Variants in TERF1 observed in about 807,000 individuals in gnomAD.
TERF1 encodes the protein telomeric repeat-binding factor 1.
TERF1 carries 20 observed loss-of-function variants against 55.1 expected under a neutral mutation model. That is an observed-to-expected ratio of 0.36 (90% CI 0.26 to 0.53). TERF1 has a LOEUF of 0.53. TERF1 is among the 20% of genes least tolerant of loss of function. The probability of loss-of-function intolerance (pLI) is 0.91; values close to 1 mark genes in which losing one functional copy is unlikely to be tolerated. For missense variants in TERF1, 439 were observed against 535.7 expected (o/e 0.82, Z 1.78); for synonymous variants, 168 against 181.2 (o/e 0.93, Z 0.59).
intron 9 of TERF1, among the ~76,000 whole-genome samples, chr8:73,045,124 A>G (rs1388011085): frequency 1.3e-5 from 2 of 152,184 alleles, no homozygotes; most frequent in Non-Finnish European, 2.9e-5. Context: ...TAGTGGTGCT[A>G]TAATTTTACA....
At chr8:73,027,902 C>T (rs1809086478) in intron 6 of TERF1, among the ~76,000 whole-genome samples, 1 of 152,188 alleles carries the variant, frequency 6.6e-6, no homozygotes, top group African/African-American at 2.4e-5. Context: ...GACTGAGGTT[C>T]TGTCATCTTA....
chr8:73,031,556 A>G (rs1463544026), intron 7 of TERF1: 5 of 152,264 alleles, frequency 3.3e-5, no homozygotes, highest in Admixed American at 6.5e-5. Flanking sequence ...GTTTTCAAAA[A>G]AAATGATGCC....
rs1450100811 is a variant in TERF1, at chr8:73,020,575, C to T, written c.416-109C>T. The T allele has an allele frequency of 6.0e-6, 5 of 830,686 alleles. No individual in the cohort carries two copies. The East Asian group carries it at 1.5e-4, about 25-fold the overall frequency. The allele number at this position is 830,686 out of a possible 1,614,324, so 51.5% of individuals were successfully genotyped here. On this transcript the variant is annotated intron_variant, in intron 2 of 9. Transcript: ENST00000276603. ...TAAACTGGTATAAACAAGAAGAGTA[C>T]CTAGCACATAGTATACACTCAGTAA... is the stretch of plus-strand genomic sequence containing the variant.
intron 1 of TERF1, chr8:73,009,506 CTT>C (rs1023318683): frequency 1.5e-5 from 5 of 333,984 alleles, no homozygotes; most frequent in Non-Finnish European, 2.8e-5. Flanking sequence ...ACCTTTGTCT[CTT>C]TTGGCGCTTT....
Sources: gnomAD v4.1 joint callset for allele counts (sites outside exome capture counted in the v4.1 genomes callset) on GRCh38, gnomAD v4.1.1 for gene constraint, MANE v1.5 for transcripts, NCBI Gene and HGNC (gene_info 2026-07-23, HGNC 2026-07-21) for gene names.